PHRF1: variants seen among roughly 807,000 people sequenced by gnomAD.
The protein encoded by PHRF1 is PHD and RING finger domain-containing protein 1.
Under a neutral mutation model 128.9 loss-of-function variants are expected in PHRF1, and 53 were observed. That is an observed-to-expected ratio of 0.41 (90% CI 0.33 to 0.52). The LOEUF is 0.52. PHRF1 is among the 20% of genes least tolerant of loss of function. The probability of loss-of-function intolerance (pLI) is 0.21; values close to 1 mark genes in which losing one functional copy is unlikely to be tolerated. For missense variants in PHRF1, 2,503 were observed against 2,284.5 expected (o/e 1.10, Z -1.95); for synonymous variants, 1,178 against 980.6 (o/e 1.20, Z -3.76).
At position 587,281 on chromosome 11, in the gene PHRF1, C is replaced by T. The variant is rs142177874; in HGVS notation, c.237C>T (p.Asp79=). ...DRSGSEDSED[D]GETLLEVAGT... is the part of the protein sequence containing the mutation. ...CAGGTTCCGAGGATTCTGAAGACGA[C>T]GGGGAGACATTGCTGGAGGTAGCGG... Residue 79 remains aspartate (D), a synonymous_variant, in exon 4 of 18, where the codon GAC becomes GAT. Transcript: ENST00000264555. 61 of 1,613,436 alleles carry T rather than the reference C, an allele frequency of 3.8e-5. 1 individual carries two copies. Among genetic ancestry groups the T allele is most frequent in the South Asian group, 3.1e-4 (28 of 91,070 alleles).
At chr11:589,948 C>T (rs1487581454) in intron 4 of PHRF1, among the ~76,000 whole-genome samples, 1 of 139,814 alleles carries the variant, frequency 7.2e-6, no homozygotes, top group Non-Finnish European at 1.5e-5. Context: ...GGGCACGGAG[C>T]GTGCGGGGCT....
At chr11:611,141 G>A in intron 17 of PHRF1, 59 bp downstream of exon 17, 1 of 1,599,676 alleles carries the variant, frequency 6.3e-7, no homozygotes, top group Non-Finnish European at 8.5e-7. Context: ...CGTCGCTGCT[G>A]TCTCGTCAGC....
In PHRF1 at chr11:581,943, G is replaced by A; in HGVS notation, c.95-19G>A. On this transcript the variant is annotated intron_variant, in intron 2 of 17. Coordinates refer to ENST00000264555, the MANE Select transcript of PHRF1 (RefSeq NM_001286581.2). ...GTCTTGACGCCGCCCTGCGGCCTGT[G>A]TCTCACCCTGGTGTCTAGAAGAAAG... is the stretch of plus-strand genomic sequence containing the variant. The A allele has an allele frequency of 6.3e-7, 1 of 1,576,960 alleles. No homozygotes were observed. The highest frequency in any genetic ancestry group is 8.6e-7 in the Non-Finnish European group (1 of 1,162,680).
rs1342594261 is a variant in PHRF1, at chr11:581,550, G to T, written c.38G>T (p.Ser13Ile). 1.2e-6 allele frequency: 2 copies of T among 1,613,446 alleles called. No homozygotes were observed. The highest frequency in any genetic ancestry group is 1.7e-6 in the Non-Finnish European group (2 of 1,179,880). The change falls in exon 2 of 18, where the codon AGC becomes ATC. Residue 13 changes from serine to isoleucine, a missense_variant. Ser to Ile is a moderately radical substitution (Grantham distance 142). Coordinates refer to ENST00000264555, the MANE Select transcript of PHRF1 (RefSeq NM_001286581.2). ...DDSLDELVAR[S>I]PGPDGHPQVG... is the part of the protein sequence containing the mutation. ...AGCCTGGATGAGCTTGTGGCCCGGAGCCCAGGGCCGGATGGACACCCACAG... is the reference window on the plus strand; with the variant it reads ...AGCCTGGATGAGCTTGTGGCCCGGATCCCAGGGCCGGATGGACACCCACAG...
chr11:585,191 G>C (rs1452655940), intron 3 of PHRF1, among the ~76,000 whole-genome samples: 1 of 152,168 alleles, frequency 6.6e-6, no homozygotes, highest in East Asian at 1.9e-4. Context: ...TTTCCTGCTG[G>C]AAATCACTTG....
Position 605,673 on chromosome 11 carries a change from C to T in PHRF1, c.1403C>T (p.Ala468Val). ...AAGAGACGGGCTCTGTCCCGGTCAG[C>T]CCTGCAGTCCCACCAGCCCGTGGCC... ...SAKRRALSRS[A>V]LQSHQPVARP... The change falls in exon 12 of 18, where the codon GCC becomes GTC. Residue 468 changes from alanine (A) to valine (V), a missense_variant. Transcript: ENST00000264555. The T allele has an allele frequency of 6.2e-7, 1 of 1,613,422 alleles. No homozygotes were observed. Among genetic ancestry groups the T allele is most frequent in the South Asian group, 1.1e-5 (1 of 91,088 alleles).
Position 609,635 on chromosome 11 carries a change from G to T in PHRF1, c.4179G>T (p.Leu1393=), listed in dbSNP as rs745716842. 6.3e-7 allele frequency: 1 copy of T among 1,578,736 alleles called. No homozygotes were observed. Among genetic ancestry groups the T allele is most frequent in the Admixed American group, 1.8e-5 (1 of 54,960 alleles). The change falls in exon 14 of 18, where the codon CTG becomes CTT. Residue 1393 remains leucine (L), a synonymous_variant. Coordinates refer to ENST00000264555, the MANE Select transcript of PHRF1 (RefSeq NM_001286581.2). Reference sequence around the variant, plus strand: ...AGGAGGTGGTTTCGCAGACCCCCCTGCTGCGGTCCAGAGCCCTGGTGAAGC... The same window carrying T: ...AGGAGGTGGTTTCGCAGACCCCCCTTCTGCGGTCCAGAGCCCTGGTGAAGC... ...RPEEVVSQTP[L]LRSRALVKRV...
In PHRF1 at chr11:581,526, G is replaced by A. The variant is rs771944790; in HGVS notation, c.14G>A (p.Ser5Asn). 1 of 1,613,640 alleles carries A rather than the reference G, an allele frequency of 6.2e-7. No homozygotes were observed. Among genetic ancestry groups the A allele is most frequent in the Middle Eastern group, 1.7e-4 (1 of 6,060 alleles). ...CAATGTGCAGCAATGGATGACGACA[G>A]CCTGGATGAGCTTGTGGCCCGGAGC... Reference protein sequence around the residue: MDDDSLDELVARSPG... With the variant: MDDDNLDELVARSPG... The change falls in exon 2 of 18, where the codon AGC (serine) becomes AAC (asparagine). Residue 5 changes from serine (S) to asparagine (N), a missense_variant. Ser to Asn is a conservative substitution (Grantham distance 46). Transcript: ENST00000264555.
At chr11:583,950 G>GA (rs1854369031) in intron 3 of PHRF1, among the ~76,000 whole-genome samples, 1 of 152,202 alleles carries the variant, frequency 6.6e-6, no homozygotes, top group Non-Finnish European at 1.5e-5. Context: ...CCTTGGGCTG[G>GA]AAAATCCATG....
intron 9 of PHRF1, among the ~76,000 whole-genome samples, chr11:600,512 A>ATATATATATATATATATATATATGTATG (rs1437772767): frequency 6.9e-6 from 1 of 144,514 alleles, no homozygotes; most frequent in African/African-American, 2.6e-5. Context: ...ATATATATAT[A>ATATATATATATATATATATATATGTATG]TATATATGGT....
At chr11:598,207 G>A (rs986343213) in intron 8 of PHRF1, among the ~76,000 whole-genome samples, 166 bp from the exon 9 acceptor site, 10 of 152,204 alleles carry the variant, frequency 6.6e-5, no homozygotes, top group Non-Finnish European at 1.2e-4. Flanking sequence ...GGCAGCCTCT[G>A]GCAGGGGAGA....
intron 14 of PHRF1, 38 bp from the exon 15 acceptor site, chr11:610,158 G>C: frequency 6.8e-7 from 1 of 1,471,198 alleles, no homozygotes. Flanking sequence ...GCAGGGGTGG[G>C]CACAGAGCAC....
At chr11:590,300 G>A (rs1854891039) in intron 4 of PHRF1, among the ~76,000 whole-genome samples, 1 of 152,216 alleles carries the variant, frequency 6.6e-6, no homozygotes, top group African/African-American at 2.4e-5. Flanking sequence ...ACAGGAGTGC[G>A]CCCACACGAA....
intron 6 of PHRF1, 143 bp from the exon 7 acceptor site, chr11:596,780 T>G: frequency 1.5e-6 from 1 of 646,044 alleles, no homozygotes; most frequent in Non-Finnish European, 2.8e-6. Flanking sequence ...TTATGAATTT[T>G]GGAGGGATGT....
chr11:611,158 T>C (rs1856368022), intron 17 of PHRF1, 76 bp downstream of exon 17: 2 of 1,584,524 alleles, frequency 1.3e-6, no homozygotes, highest in Non-Finnish European at 1.7e-6. Context: ...CAGCATGGAC[T>C]TTGGGGTGGC....
intron 5 of PHRF1, 134 bp downstream of exon 5, chr11:591,601 G>A (rs538825223): frequency 1.9e-4 from 146 of 763,386 alleles, no homozygotes; most frequent in African/African-American, 1.5e-3. Context: ...ATCAACTCAA[G>A]TGCCCCTTGT....
At chr11:579,255 T>TC (rs1291972901) in intron 1 of PHRF1, among the ~76,000 whole-genome samples, 3 of 92,186 alleles carry the variant, frequency 3.3e-5, no homozygotes, top group Admixed American at 2.2e-4. Context: ...GCCCTGCTCC[T>TC]CCCCCCAGCC....
intron 3 of PHRF1, among the ~76,000 whole-genome samples, chr11:582,679 C>T (rs1854277162): frequency 6.6e-6 from 1 of 151,954 alleles, no homozygotes; most frequent in Admixed American, 6.5e-5. Context: ...CGCCCGCCAC[C>T]AAGCCTGGCT....
At position 607,918 on chromosome 11, in the gene PHRF1, A is replaced by T; in HGVS notation, c.2462A>T (p.Lys821Met). The change falls in exon 14 of 18, where the codon AAG (lysine) becomes ATG (methionine). Residue 821 changes from lysine (K) to methionine (M), a missense_variant. Coordinates refer to ENST00000264555, the MANE Select transcript of PHRF1 (RefSeq NM_001286581.2). Reference protein sequence around the residue: ...ENPSPLFSIKKTKQLRSEVYD... With the variant: ...ENPSPLFSIKMTKQLRSEVYD... ...CCCTCACCCCTCTTCTCCATCAAGA[A>T]GACGAAGCAGCTGCGGAGCGAGGTC... 1 of 1,612,658 alleles carries T rather than the reference A, an allele frequency of 6.2e-7. No individual in the cohort carries two copies. Among genetic ancestry groups the T allele is most frequent in the East Asian group, 2.2e-5 (1 of 44,884 alleles).
Sources: allele counts gnomAD v4.1 joint callset (sites outside exome capture counted in the v4.1 genomes callset), GRCh38; gene constraint gnomAD v4.1.1; transcripts MANE v1.5; gene names NCBI Gene and HGNC (gene_info 2026-07-23, HGNC 2026-07-21).